SLC8A1: variants seen among roughly 807,000 people sequenced by gnomAD.
SLC8A1 encodes the protein sodium/calcium exchanger 1.
In SLC8A1, 18 loss-of-function variants were observed where a neutral mutation model predicts 68.3. That is an observed-to-expected ratio of 0.26 (90% confidence interval 0.18 to 0.39). The LOEUF is 0.39. SLC8A1 is among the 10% of genes least tolerant of loss of function. SLC8A1 has a pLI of 1.00. For synonymous variants in SLC8A1, 475 were observed against 415.5 expected (o/e 1.14, Z -1.74); for missense variants, 985 against 1,156.7 (o/e 0.85, Z 2.15).
intron 2 of SLC8A1, among the ~76,000 whole-genome samples, chr2:40,326,920 C>A (rs1212725975): frequency 6.6e-6 from 1 of 152,164 alleles, no homozygotes; most frequent in East Asian, 1.9e-4. Flanking sequence ...GGTCAGGGCT[C>A]ATTAGTAGAA....
In SLC8A1 at chr2:40,508,329, G is replaced by A. The variant is rs868273864; in HGVS notation, c.-25+4020C>T. Among the ~76,000 whole-genome samples, 5 of 148,292 alleles carry A rather than the reference G, an allele frequency of 3.4e-5. No homozygotes were observed. The South Asian group carries it at 8.5e-4, about 25-fold the overall frequency. On this transcript the variant is annotated intron_variant, in intron 1 of 7. Coordinates refer to the SLC8A1 transcript ENST00000402441. ...ATTTTTAAAAGTTTAGGAAGTTCTC[G>A]ACACTTCCTAGAAAGGTAAAAGTAA...
At chr2:40,243,489 GAGAAAA>G (rs1553445622) in intron 2 of SLC8A1, among the ~76,000 whole-genome samples, 1 of 151,986 alleles carries the variant, frequency 6.6e-6, no homozygotes, top group Non-Finnish European at 1.5e-5. Flanking sequence ...TCTCAAAAAA[GAGAAAA>G]AGAAAAGAAA....
At chr2:40,290,221 A>C (rs2069052550) in intron 2 of SLC8A1, among the ~76,000 whole-genome samples, 1 of 152,036 alleles carries the variant, frequency 6.6e-6, no homozygotes, top group South Asian at 2.1e-4. Context: ...AAGTGAAAGA[A>C]TGGGAAACGC....
chr2:40,396,635 T>C (rs149920334), intron 2 of SLC8A1, among the ~76,000 whole-genome samples: 179 of 151,618 alleles, frequency 1.2e-3, no homozygotes, highest in Middle Eastern at 0.01. Context: ...TATTAATTCA[T>C]TAAATATTTC....
At chr2:40,238,916 C>G (rs886490911) in intron 2 of SLC8A1, among the ~76,000 whole-genome samples, 50 of 151,900 alleles carry the variant, frequency 3.3e-4, no homozygotes, top group African/African-American at 1.2e-3. Context: ...CTGCAGTAAC[C>G]TTTTAAATGA....
At chr2:40,350,867 A>G (rs533433879) in intron 2 of SLC8A1, among the ~76,000 whole-genome samples, 47 of 152,274 alleles carry the variant, frequency 3.1e-4, no homozygotes, top group African/African-American at 1.1e-3. Flanking sequence ...TCATGTAAAG[A>G]AAATATTATT....
intron 2 of SLC8A1, among the ~76,000 whole-genome samples, chr2:40,344,768 T>C (rs1481233766): frequency 6.6e-6 from 1 of 152,178 alleles, no homozygotes; most frequent in African/African-American, 2.4e-5. Flanking sequence ...CACTCAGAAT[T>C]GACATTAGGT....
chr2:40,347,078 T>C (rs1056399429), intron 2 of SLC8A1, among the ~76,000 whole-genome samples: 1 of 152,214 alleles, frequency 6.6e-6, no homozygotes, highest in Non-Finnish European at 1.5e-5. Flanking sequence ...GCACTTTGTA[T>C]AGAAGGTTGG....
At chr2:40,122,201 C>CGTGA (rs143443544) in intron 7 of SLC8A1, among the ~76,000 whole-genome samples, 5 of 146,016 alleles carry the variant, frequency 3.4e-5, no homozygotes, top group Non-Finnish European at 7.5e-5. Context: ...AGTGCATGCG[C>CGTGA]GCGCGCACAC....
chr2:40,417,635 A>G (rs535135739), intron 2 of SLC8A1, among the ~76,000 whole-genome samples: 77 of 152,082 alleles, frequency 5.1e-4, no homozygotes, highest in Non-Finnish European at 9.1e-4. Flanking sequence ...CAGCCTCCTT[A>G]GTAGCTGAGA....
intron 2 of SLC8A1, among the ~76,000 whole-genome samples, chr2:40,223,386 G>T (rs188075359): frequency 6.6e-6 from 1 of 152,222 alleles, no homozygotes; most frequent in East Asian, 1.9e-4. Flanking sequence ...AGCTAAAGGA[G>T]GGATAGCAGT....
chr2:40,453,079 C>T (rs558034670), upstream of SLC8A1: 5 of 152,114 alleles, frequency 3.3e-5, no homozygotes, highest in Non-Finnish European at 7.3e-5. Flanking sequence ...TTCTTACAAA[C>T]CCTTAATGAC....
At chr2:40,107,279 C>CAAAAAAGAAAA (rs1553329309) in exon 8 of SLC8A1, 1 of 64,964 alleles carries the variant, frequency 1.5e-5, no homozygotes, top group Non-Finnish European at 2.9e-5. Context: ...GACTCCGTCT[C>CAAAAAAGAAAA]AAAAAAAAAA....
intron 1 of SLC8A1, among the ~76,000 whole-genome samples, chr2:40,508,011 T>C (rs1706476348): frequency 6.6e-6 from 1 of 152,146 alleles, no homozygotes; most frequent in Non-Finnish European, 1.5e-5. Context: ...AGTAGTTTGT[T>C]AGAATTGTGT....
exon 2 of SLC8A1, chr2:40,430,097 G>A (rs1338928156): frequency 1.2e-6 from 2 of 1,613,750 alleles, no homozygotes. Context: ...TCCCAAATGG[G>A]CAAAATCACC....
intron 2 of SLC8A1, chr2:40,337,457 G>A (rs981605156): frequency 1.4e-5 from 3 of 221,346 alleles, no homozygotes; most frequent in Non-Finnish European, 3.0e-5. Context: ...AAGGAAGTCA[G>A]GTAAAAAAAG....
intron 2 of SLC8A1, among the ~76,000 whole-genome samples, chr2:40,423,525 C>A (rs1254245024): frequency 1.3e-5 from 2 of 151,962 alleles, no homozygotes; most frequent in African/African-American, 4.8e-5. Context: ...CCCAGTAAAG[C>A]AATCAGCCTT....
intron 2 of SLC8A1, among the ~76,000 whole-genome samples, chr2:40,391,820 C>T (rs1344609518): frequency 6.6e-6 from 1 of 152,046 alleles, no homozygotes; most frequent in African/African-American, 2.4e-5. Flanking sequence ...CACGCAAAGA[C>T]CAAAACCCAA....
intron 2 of SLC8A1, among the ~76,000 whole-genome samples, chr2:40,252,197 G>A (rs959891276): frequency 6.6e-6 from 1 of 152,182 alleles, no homozygotes; most frequent in Non-Finnish European, 1.5e-5. Context: ...AAGTGAATCT[G>A]GGTTCAGATG....
Sources: gnomAD v4.1 joint callset for allele counts (sites outside exome capture counted in the v4.1 genomes callset) on GRCh38, gnomAD v4.1.1 for gene constraint, MANE v1.5 for transcripts, NCBI Gene and HGNC (gene_info 2026-07-23, HGNC 2026-07-21) for gene names.